Variants in POU2F1 observed in about 807,000 individuals in gnomAD.
The protein encoded by POU2F1 is POU domain, class 2, transcription factor 1.
A neutral mutation model predicts 84.9 loss-of-function variants in POU2F1; 16 were observed. The ratio of observed to expected loss-of-function variants is 0.19; its 90% confidence interval spans 0.13 to 0.29. The LOEUF is 0.29. POU2F1 is among the 10% of genes least tolerant of loss of function. The pLI is 1.00. For missense variants in POU2F1, 738 were observed against 942.6 expected (o/e 0.78, Z 2.84); for synonymous variants, 368 against 368.3 (o/e 1.00, Z 0.01).
chr1:167,272,746 A>T (rs1652464138), intron 1 of POU2F1, among the ~76,000 whole-genome samples: 1 of 152,180 alleles, frequency 6.6e-6, no homozygotes, highest in South Asian at 2.1e-4. Flanking sequence ...AACATCGAGG[A>T]TTACAATTTG....
chr1:167,322,029 C>G (rs183004556), intron 1 of POU2F1, among the ~76,000 whole-genome samples: 22 of 152,308 alleles, frequency 1.4e-4, no homozygotes, highest in African/African-American at 5.1e-4. Flanking sequence ...CCAACTCCAA[C>G]TATGTTAAAT....
At chr1:167,238,839 C>T (rs140961163) in intron 1 of POU2F1, among the ~76,000 whole-genome samples, 3 of 152,200 alleles carry the variant, frequency 2.0e-5, no homozygotes, top group Non-Finnish European at 4.4e-5. Context: ...TGTTGGTGCA[C>T]ATCATTGAAG....
chr1:167,377,252 A>G (rs1660388241), intron 7 of POU2F1, among the ~76,000 whole-genome samples: 1 of 152,178 alleles, frequency 6.6e-6, no homozygotes, highest in Non-Finnish European at 1.5e-5. Flanking sequence ...GTTTGACCTT[A>G]AATCCTATAG....
At chr1:167,391,677 C>T (rs889600325) in intron 9 of POU2F1, among the ~76,000 whole-genome samples, 3 of 136,182 alleles carry the variant, frequency 2.2e-5, no homozygotes, top group East Asian at 2.5e-4. Flanking sequence ...TCAAGGGATT[C>T]TCCCACTTCT....
intron 1 of POU2F1, among the ~76,000 whole-genome samples, chr1:167,284,954 T>C (rs1486393476): frequency 6.6e-6 from 1 of 152,270 alleles, no homozygotes; most frequent in African/African-American, 2.4e-5. Context: ...CATTATTTGC[T>C]ATCTATACTC....
rs533469881 is a variant in POU2F1, at chr1:167,364,671, G to T, written c.128-796G>T. 2.0e-5 allele frequency among the ~76,000 whole-genome samples: 3 copies of T among 147,822 alleles called. No homozygotes were observed. In the South Asian group the frequency reaches 6.5e-4, roughly 32 times the overall value. On this transcript the variant is annotated intron_variant, in intron 2 of 15. Transcript: ENST00000367866. ...CGGCTCACTGCAACCTCCACCTCCT[G>T]GGCTCAAGCCATTCTCCCTCAGCCT...
chr1:167,239,969 A>G (rs1184677389), intron 1 of POU2F1, among the ~76,000 whole-genome samples: 1 of 149,536 alleles, frequency 6.7e-6, no homozygotes, highest in Admixed American at 6.7e-5. Flanking sequence ...TCTTTAAGCT[A>G]TGAATAGGAC....
chr1:167,245,411 A>T (rs1650236277), intron 1 of POU2F1, among the ~76,000 whole-genome samples: 4 of 132,464 alleles, frequency 3.0e-5, no homozygotes, highest in African/African-American at 8.3e-5. Context: ...TGCCTGGCTA[A>T]TTTTTTTTTT....
intron 1 of POU2F1, among the ~76,000 whole-genome samples, chr1:167,302,561 A>G (rs2102572187): frequency 6.6e-6 from 1 of 151,718 alleles, no homozygotes; most frequent in African/African-American, 2.4e-5. Flanking sequence ...CTGGCCAACA[A>G]CTCCTTTTTA....
intron 5 of POU2F1, among the ~76,000 whole-genome samples, chr1:167,372,510 G>C (rs1355946839): frequency 6.6e-6 from 1 of 152,140 alleles, no homozygotes; most frequent in Non-Finnish European, 1.5e-5. Flanking sequence ...GCAACTTACC[G>C]TATGGCCTAA....
intron 13 of POU2F1, among the ~76,000 whole-genome samples, chr1:167,410,360 G>A (rs1392420131): frequency 6.6e-6 from 1 of 152,124 alleles, no homozygotes; most frequent in East Asian, 1.9e-4. Context: ...GTGGAAGTGA[G>A]AGTTCAATTC....
intron 7 of POU2F1, among the ~76,000 whole-genome samples, chr1:167,382,816 A>G (rs751895405): frequency 1.3e-5 from 2 of 152,206 alleles, no homozygotes; most frequent in Non-Finnish European, 2.9e-5. Flanking sequence ...TTTGTGACCT[A>G]CATTATGAAA....
chr1:167,392,514 G>A (rs762761395), intron 9 of POU2F1, among the ~76,000 whole-genome samples: 15 of 152,190 alleles, frequency 9.9e-5, no homozygotes, highest in South Asian at 2.1e-4. Context: ...AGATTGTTGC[G>A]TAAGTGATAT....
chr1:167,388,814 C>T (rs1648174990), intron 8 of POU2F1, among the ~76,000 whole-genome samples: 2 of 152,282 alleles, frequency 1.3e-5, no homozygotes, highest in Non-Finnish European at 2.9e-5. Context: ...GATTCTTGCT[C>T]GATTAACTGG....
At chr1:167,300,780 A>AT (rs1262382519) in intron 1 of POU2F1, among the ~76,000 whole-genome samples, 1 of 150,004 alleles carries the variant, frequency 6.7e-6, no homozygotes, top group African/African-American at 2.5e-5. Flanking sequence ...TTTATTTTTT[A>AT]TTTTTTTGGA....
chr1:167,303,792 G>T (rs950910172), intron 1 of POU2F1, among the ~76,000 whole-genome samples: 1 of 152,090 alleles, frequency 6.6e-6, no homozygotes, highest in African/African-American at 2.4e-5. Context: ...AATAGTTTAG[G>T]ATTGGCCCTA....
intron 2 of POU2F1, among the ~76,000 whole-genome samples, chr1:167,337,774 C>CA (rs1657571636): frequency 6.6e-6 from 1 of 151,028 alleles, no homozygotes; most frequent in South Asian, 2.1e-4. Flanking sequence ...TTAATGCAGA[C>CA]AAAAGCGCCC....
chr1:167,292,058 A>G (rs1653962170), intron 1 of POU2F1, among the ~76,000 whole-genome samples: 1 of 151,894 alleles, frequency 6.6e-6, no homozygotes, highest in South Asian at 2.1e-4. Context: ...TGTGTACACA[A>G]ATATTTATAT....
intron 1 of POU2F1, among the ~76,000 whole-genome samples, chr1:167,283,525 A>G (rs1653312982): frequency 6.6e-6 from 1 of 152,222 alleles, no homozygotes; most frequent in Admixed American, 6.5e-5. Context: ...TAAGAAGATC[A>G]GAATTGTGTG....
Sources: allele counts gnomAD v4.1 joint callset (sites outside exome capture counted in the v4.1 genomes callset), GRCh38; gene constraint gnomAD v4.1.1; transcripts MANE v1.5; gene names NCBI Gene and HGNC (gene_info 2026-07-23, HGNC 2026-07-21).